SCLT1: variants seen among roughly 807,000 people sequenced by gnomAD.
SCLT1 encodes sodium channel and clathrin linker 1.
Under a neutral mutation model 112.8 loss-of-function variants are expected in SCLT1, and 78 were observed. The ratio of observed to expected loss-of-function variants is 0.69; its 90% CI spans 0.58 to 0.83. The LOEUF is 0.83. Ranked by LOEUF, SCLT1 falls within the 40% of genes least tolerant of loss-of-function variation. The pLI, the probability that SCLT1 is intolerant of heterozygous loss-of-function variation, is 0.00. For synonymous variants in SCLT1, 257 were observed against 254.7 expected (o/e 1.01, Z -0.09); for missense variants, 747 against 770.4 (o/e 0.97, Z 0.36).
intron 8 of SCLT1, among the ~76,000 whole-genome samples, chr4:128,995,949 C>T (rs912340789): frequency 3.3e-5 from 5 of 152,086 alleles, no homozygotes; most frequent in Non-Finnish European, 5.9e-5. Flanking sequence ...CCAATGCCTC[C>T]ATTCTCCCTT....
chr4:128,918,291 A>G (rs1735622233), intron 18 of SCLT1, among the ~76,000 whole-genome samples: 2 of 152,178 alleles, frequency 1.3e-5, no homozygotes, highest in Admixed American at 1.3e-4. Flanking sequence ...GGAATACAAT[A>G]AAATGGTACA....
At chr4:129,082,064 G>A (rs1462327873) in intron 2 of SCLT1, among the ~76,000 whole-genome samples, 3 of 152,138 alleles carry the variant, frequency 2.0e-5, no homozygotes, top group Admixed American at 6.5e-5. Flanking sequence ...ACAATTTTAG[G>A]ATGTTTCAGA....
At chr4:128,952,392 C>G (rs901391357) in intron 14 of SCLT1, 2 of 461,848 alleles carry the variant, frequency 4.3e-6, no homozygotes, top group Non-Finnish European at 8.7e-6. Context: ...CCTACTCATT[C>G]CTCAGTATTC....
intron 5 of SCLT1, among the ~76,000 whole-genome samples, chr4:129,026,601 A>G (rs1363462255): frequency 6.6e-6 from 1 of 152,200 alleles, no homozygotes; most frequent in Non-Finnish European, 1.5e-5. Flanking sequence ...GAAAGCAGGA[A>G]AGATCCAAAA....
intron 18 of SCLT1, among the ~76,000 whole-genome samples, chr4:128,902,248 A>G (rs769918536): frequency 9.8e-5 from 15 of 152,304 alleles, no homozygotes; most frequent in South Asian, 2.1e-4. Flanking sequence ...CACAGTATCT[A>G]CCACGCTGCT....
chr4:128,910,197 A>G (rs748900168), intron 18 of SCLT1, among the ~76,000 whole-genome samples: 2 of 152,212 alleles, frequency 1.3e-5, no homozygotes, highest in Non-Finnish European at 2.9e-5. Flanking sequence ...CCTTATAAAA[A>G]GTATTTGCCA....
intron 15 of SCLT1, among the ~76,000 whole-genome samples, chr4:128,947,545 G>T (rs908869416): frequency 6.6e-6 from 1 of 152,070 alleles, no homozygotes; most frequent in African/African-American, 2.4e-5. Flanking sequence ...ATCAAACTCT[G>T]ACTCTACCAT....
At chr4:129,024,992 T>A (rs1391248717) in intron 5 of SCLT1, among the ~76,000 whole-genome samples, 1 of 151,722 alleles carries the variant, frequency 6.6e-6, no homozygotes, top group Non-Finnish European at 1.5e-5. Context: ...GAAGGGAAGT[T>A]TAGAGAAAAA....
chr4:128,964,132 T>C (rs1427786119), intron 11 of SCLT1, among the ~76,000 whole-genome samples: 1 of 152,200 alleles, frequency 6.6e-6, no homozygotes, highest in Non-Finnish European at 1.5e-5. Flanking sequence ...CATTCTGATA[T>C]ACCAGTGTCC....
intron 18 of SCLT1, among the ~76,000 whole-genome samples, chr4:128,895,898 C>T (rs1285822981): frequency 6.6e-6 from 1 of 152,242 alleles, no homozygotes; most frequent in Non-Finnish European, 1.5e-5. Context: ...ATATCCTCTG[C>T]CTGGCTTGAA....
chr4:129,038,405 T>A (rs1747381570), intron 5 of SCLT1, among the ~76,000 whole-genome samples: 1 of 152,178 alleles, frequency 6.6e-6, no homozygotes, highest in South Asian at 2.1e-4. Context: ...CACTTGTGTA[T>A]GTTATTGAAT....
intron 8 of SCLT1, among the ~76,000 whole-genome samples, chr4:128,996,810 C>T (rs1024910670): frequency 1.3e-5 from 2 of 151,862 alleles, no homozygotes; most frequent in Non-Finnish European, 2.9e-5. Context: ...TAACATATTC[C>T]CTTGGAATAT....
At chr4:128,968,652 A>G (rs550995351) in intron 10 of SCLT1, among the ~76,000 whole-genome samples, 15 of 152,290 alleles carry the variant, frequency 9.8e-5, no homozygotes, top group African/African-American at 3.4e-4. Flanking sequence ...TGAAAACTCA[A>G]TAGTGTAGAT....
intron 6 of SCLT1, among the ~76,000 whole-genome samples, chr4:129,001,076 G>A (rs1743441748): frequency 6.6e-6 from 1 of 151,972 alleles, no homozygotes; most frequent in Admixed American, 6.6e-5. Context: ...AATAGTCCTG[G>A]ATAATTCACT....
intron 18 of SCLT1, among the ~76,000 whole-genome samples, chr4:128,904,476 T>C (rs924332655): frequency 6.6e-6 from 1 of 152,206 alleles, no homozygotes; most frequent in South Asian, 2.1e-4. Context: ...ATAAACAAAA[T>C]ACTGTAATCA....
chr4:128,898,927 A>G (rs1326152761), intron 18 of SCLT1, among the ~76,000 whole-genome samples: 1 of 152,258 alleles, frequency 6.6e-6, no homozygotes, highest in Non-Finnish European at 1.5e-5. Context: ...AATCTAGAAG[A>G]AATGGATAAA....
At chr4:129,018,516 C>T (rs1256494498) in intron 5 of SCLT1, among the ~76,000 whole-genome samples, 1 of 152,048 alleles carries the variant, frequency 6.6e-6, no homozygotes, top group Admixed American at 6.6e-5. Flanking sequence ...GTCAGAAAAA[C>T]TATAAAACCA....
At chr4:128,952,578 A>G (rs971030198) in intron 14 of SCLT1, 191 bp downstream of exon 14, 1 of 600,966 alleles carries the variant, frequency 1.7e-6, no homozygotes, top group Admixed American at 2.9e-5. Flanking sequence ...AATGCCATCT[A>G]TCTTTCCTGC....
Position 128,997,887 on chromosome 4 carries a change from T to C in SCLT1, c.602A>G (p.Glu201Gly). 6.8e-7 allele frequency: 1 copy of C among 1,478,960 alleles called. No homozygotes were observed. The highest frequency in any genetic ancestry group is 9.1e-7 in the Non-Finnish European group (1 of 1,095,496). The allele number at this position is 1,478,960 out of a possible 1,614,324, so 91.6% of individuals were successfully genotyped here. The change falls in exon 8 of 21, where the codon GAG (glutamate) becomes GGG (glycine). Residue 201 changes from glutamate to glycine, a missense_variant. By Grantham distance (98) the Glu-to-Gly change is moderately conservative (BLOSUM62 -2). Coordinates refer to ENST00000281142, the MANE Select transcript of SCLT1 (RefSeq NM_144643.4). Reference sequence around the variant, plus strand: ...AAGTATACTTACCACTTCCATGTTCTCATTAGTAACATGAAGTTGTTTGGT... The same window carrying C: ...AAGTATACTTACCACTTCCATGTTCCCATTAGTAACATGAAGTTGTTTGGT... ...QLTKQLHVTNENMEVTNQQFL... is the reference protein window; with the variant it reads ...QLTKQLHVTNGNMEVTNQQFL...
Sources: allele counts gnomAD v4.1 joint callset (sites outside exome capture counted in the v4.1 genomes callset), GRCh38; gene constraint gnomAD v4.1.1; transcripts MANE v1.5; gene names NCBI Gene and HGNC (gene_info 2026-07-23, HGNC 2026-07-21).